PTPRD: variants seen among roughly 807,000 people sequenced by gnomAD.
The protein encoded by PTPRD is receptor-type tyrosine-protein phosphatase delta.
In PTPRD, 34 loss-of-function variants were observed where a neutral mutation model predicts 214.5. The observed-to-expected ratio is 0.16, with a 90% CI of 0.12 to 0.21. The LOEUF is 0.21. PTPRD is among the 10% of genes least tolerant of loss of function. PTPRD has a pLI of 1.00. For missense variants in PTPRD, 2,545 were observed against 2,398.7 expected (o/e 1.06, Z -1.27); for synonymous variants, 1,128 against 845.7 (o/e 1.33, Z -5.79).
chr9:10,190,718 C>CAAAAAAAAAA (rs57891244), intron 3 of PTPRD, among the ~76,000 whole-genome samples: 1 of 44,214 alleles, frequency 2.3e-5, no homozygotes, highest in African/African-American at 7.9e-5. Flanking sequence ...AACTCTGTCT[C>CAAAAAAAAAA]AAAAAAAAAA....
intron 11 of PTPRD, among the ~76,000 whole-genome samples, chr9:8,973,734 T>C (rs2099252450): frequency 1.3e-5 from 2 of 152,094 alleles, no homozygotes; most frequent in Non-Finnish European, 2.9e-5. Flanking sequence ...TTTGCTGTTT[T>C]TTGACTTTTA....
intron 35 of PTPRD, among the ~76,000 whole-genome samples, chr9:8,424,836 T>C (rs1233228085): frequency 6.6e-6 from 1 of 152,042 alleles, no homozygotes; most frequent in Non-Finnish European, 1.5e-5. Flanking sequence ...GTTAAGGAAA[T>C]TTTTTTAGCA....
At chr9:10,520,378 G>A (rs2051761361) in intron 2 of PTPRD, among the ~76,000 whole-genome samples, 1 of 152,184 alleles carries the variant, frequency 6.6e-6, no homozygotes, top group South Asian at 2.1e-4. Flanking sequence ...GAAAGGTGAT[G>A]AAGCTGAAGA....
chr9:9,482,722 T>C (rs1310480210), intron 8 of PTPRD, among the ~76,000 whole-genome samples: 2 of 152,220 alleles, frequency 1.3e-5, no homozygotes, highest in East Asian at 3.8e-4. Flanking sequence ...AGCTTGTTTA[T>C]AAACAGAAAT....
intron 11 of PTPRD, among the ~76,000 whole-genome samples, chr9:8,985,366 T>C (rs1314348643): frequency 2.0e-5 from 3 of 152,048 alleles, no homozygotes. Context: ...TAAAACACAT[T>C]CTGATACTTA....
chr9:10,531,203 G>A (rs1590180676), intron 2 of PTPRD, among the ~76,000 whole-genome samples: 2 of 152,100 alleles, frequency 1.3e-5, no homozygotes, highest in East Asian at 3.9e-4. Context: ...GCCCTCCTCA[G>A]TCTCCCAAAT....
At chr9:9,694,722 G>A (rs1564592111) in intron 7 of PTPRD, among the ~76,000 whole-genome samples, 1 of 152,000 alleles carries the variant, frequency 6.6e-6, no homozygotes, top group East Asian at 1.9e-4. Context: ...CTTACCAAAG[G>A]AAGAGGAGCC....
chr9:10,033,058 G>A (rs1480881451), intron 4 of PTPRD, among the ~76,000 whole-genome samples: 2 of 151,138 alleles, frequency 1.3e-5, no homozygotes, highest in African/African-American at 2.4e-5. Context: ...ACCTGGATGC[G>A]ATAAATATTT....
chr9:10,322,374 T>C (rs1184051343), intron 3 of PTPRD, among the ~76,000 whole-genome samples: 1 of 152,088 alleles, frequency 6.6e-6, no homozygotes, highest in Non-Finnish European at 1.5e-5. Context: ...AATTGCAGGC[T>C]GAGTCAGGAG....
At chr9:9,269,625 A>C (rs1941933696) in intron 9 of PTPRD, among the ~76,000 whole-genome samples, 1 of 151,426 alleles carries the variant, frequency 6.6e-6, no homozygotes, top group African/African-American at 2.4e-5. Flanking sequence ...TGAATGTATA[A>C]AGAAAATGTG....
intron 2 of PTPRD, among the ~76,000 whole-genome samples, chr9:10,497,560 C>G (rs754004684): frequency 1.3e-4 from 19 of 151,882 alleles, no homozygotes; most frequent in Non-Finnish European, 2.6e-4. Flanking sequence ...ATTTAAAAGT[C>G]TATAATTGAA....
At chr9:8,351,662 G>A (rs1240950802) in intron 39 of PTPRD, among the ~76,000 whole-genome samples, 1 of 147,998 alleles carries the variant, frequency 6.8e-6, no homozygotes, top group Non-Finnish European at 1.5e-5. Context: ...CTGCCATCTG[G>A]TGCTGGCTTT....
chr9:9,430,035 T>C (rs946203414), intron 8 of PTPRD, among the ~76,000 whole-genome samples: 2 of 152,146 alleles, frequency 1.3e-5, no homozygotes, highest in African/African-American at 4.8e-5. Context: ...CAACATAGTG[T>C]TGGAAGTTCT....
chr9:8,555,194 A>G (rs1316519867), intron 14 of PTPRD, among the ~76,000 whole-genome samples: 4 of 152,150 alleles, frequency 2.6e-5, no homozygotes, highest in African/African-American at 9.7e-5. Context: ...ACTTGAGCCT[A>G]GGAGTTTGAG....
intron 3 of PTPRD, among the ~76,000 whole-genome samples, chr9:10,065,882 A>G (rs1161721274): frequency 1.3e-5 from 2 of 151,890 alleles, no homozygotes; most frequent in Non-Finnish European, 2.9e-5. Context: ...TTTCCAACCA[A>G]TTTCTTCTTT....
At position 10,394,957 on chromosome 9, in the gene PTPRD, C is replaced by CTT. The variant is rs34786789; in HGVS notation, c.-599-53942_-599-53941dup. Among the ~76,000 whole-genome samples, 255 of 133,192 alleles carry CTT rather than the reference C, an allele frequency of 1.9e-3. 2 individuals are homozygous for CTT. Among genetic ancestry groups the CTT allele is most frequent in the African/African-American group, 5.2e-3 (181 of 34,706 alleles). The allele number at this position is 133,192 out of a possible 152,430, so 87.4% of individuals were successfully genotyped here. On this transcript the variant is annotated intron_variant, in intron 2 of 45. Coordinates refer to ENST00000381196, the MANE Select transcript of PTPRD (RefSeq NM_002839.4). ...TGTGTTGCCACCATTTTTTCTTTTT[C>CTT]TTTTTTTTTTTTTTTTTTAGTCAGC...
chr9:10,082,317 G>C (rs1168269946), intron 3 of PTPRD, among the ~76,000 whole-genome samples: 1 of 152,070 alleles, frequency 6.6e-6, no homozygotes, highest in Non-Finnish European at 1.5e-5. Context: ...TGACACATTT[G>C]ACCTGTGACT....
Position 9,741,672 on chromosome 9 carries a change from T to C in PTPRD, c.-325-7101A>G, listed in dbSNP as rs915838348. On this transcript the variant is annotated intron_variant, in intron 6 of 45. Transcript: ENST00000381196. Reference sequence around the variant, plus strand: ...TCCCTGCGTTGGTGTATTCTCATTGTTCAGTTCCCACCTATGAGTGAGAAT... The same window carrying C: ...TCCCTGCGTTGGTGTATTCTCATTGCTCAGTTCCCACCTATGAGTGAGAAT... Among the ~76,000 whole-genome samples the C allele has an allele frequency of 7.2e-5, 11 of 152,306 alleles. No homozygotes were observed. The East Asian group carries it at 7.7e-4, about 11-fold the overall frequency.
At chr9:8,742,147 C>T (rs551093617) in intron 11 of PTPRD, among the ~76,000 whole-genome samples, 1 of 152,216 alleles carries the variant, frequency 6.6e-6, no homozygotes, top group Non-Finnish European at 1.5e-5. Flanking sequence ...ATATGTCAGT[C>T]AAGCTTTAAA....
Sources: allele counts gnomAD v4.1 joint callset (sites outside exome capture counted in the v4.1 genomes callset), GRCh38; gene constraint gnomAD v4.1.1; transcripts MANE v1.5; gene names NCBI Gene and HGNC (gene_info 2026-07-23, HGNC 2026-07-21).